Variants in GNG12 observed in about 807,000 individuals in gnomAD.
GNG12 encodes guanine nucleotide-binding protein G(I)/G(S)/G(O) subunit gamma-12.
For synonymous variants in GNG12, 28 were observed against 29.7 expected (o/e 0.94, Z 0.19); for missense variants, 69 against 83.8 (o/e 0.82, Z 0.69).
At chr1:67,800,565 T>C (rs1480739288) in intron 1 of GNG12, among the ~76,000 whole-genome samples, 1 of 152,220 alleles carries the variant, frequency 6.6e-6, no homozygotes, top group East Asian at 1.9e-4. Flanking sequence ...AGACATACTT[T>C]ATTACCAGCA....
intron 1 of GNG12, among the ~76,000 whole-genome samples, chr1:67,821,787 G>A (rs1189070329): frequency 6.7e-6 from 1 of 149,280 alleles, no homozygotes; most frequent in Non-Finnish European, 1.5e-5. Flanking sequence ...TTTTTTCTTA[G>A]TGGCACATAG....
At chr1:67,735,040 G>A (rs538123748) in intron 2 of GNG12, among the ~76,000 whole-genome samples, 3 of 152,034 alleles carry the variant, frequency 2.0e-5, no homozygotes, top group African/African-American at 7.2e-5. Context: ...TTTTTTAGTA[G>A]AGATGGGGTT....
At chr1:67,778,313 T>C (rs1646718103) in intron 1 of GNG12, among the ~76,000 whole-genome samples, 1 of 152,166 alleles carries the variant, frequency 6.6e-6, no homozygotes, top group South Asian at 2.1e-4. Flanking sequence ...ACGTCTCAAC[T>C]TGAGCTAGCC....
At chr1:67,787,820 A>G (rs1646779337) in intron 1 of GNG12, among the ~76,000 whole-genome samples, 1 of 152,212 alleles carries the variant, frequency 6.6e-6, no homozygotes, top group Non-Finnish European at 1.5e-5. Context: ...GTATTTATCA[A>G]TATTCCTTTC....
chr1:67,734,257 C>T (rs1646438761), intron 2 of GNG12, among the ~76,000 whole-genome samples: 1 of 151,686 alleles, frequency 6.6e-6, no homozygotes, highest in Admixed American at 6.6e-5. Context: ...GAGCACAGGG[C>T]AGCTAGAGAG....
intron 1 of GNG12, among the ~76,000 whole-genome samples, chr1:67,785,239 AAATTTACTAT>A (rs1646761368): frequency 6.6e-6 from 1 of 152,190 alleles, no homozygotes; most frequent in African/African-American, 2.4e-5. Context: ...TTATTTCAGC[AAATTTACTAT>A]AACAATGGCT....
rs897319092 is a variant in GNG12 at position 67,833,418 on chromosome 1, TCTC to T, written c.-154_-152del. On this transcript the variant is annotated 5_prime_UTR_variant, in exon 1 of 4. Transcript: ENST00000370982. The stretch of plus-strand genomic sequence containing the variant: ...AGGGCTCCTGGAGACGGCTCCGACC[TCTC>T]CTCCTCCTCCTCCTCTTGCTCCTCC... 87 of 974,244 alleles carry T rather than the reference TCTC, an allele frequency of 8.9e-5. No individual in the cohort carries two copies. Among genetic ancestry groups the T allele is most frequent in the East Asian group, 2.3e-4 (2 of 8,618 alleles). 60.3% of individuals were successfully genotyped at this position (974,244 alleles called of 1,614,324 possible). A position where few individuals can be genotyped will look rare whatever the true frequency, so the allele number is the denominator to read the frequency against.
At chr1:67,823,587 T>G (rs1361149902) in intron 1 of GNG12, among the ~76,000 whole-genome samples, 1 of 152,206 alleles carries the variant, frequency 6.6e-6, no homozygotes, top group Non-Finnish European at 1.5e-5. Context: ...AACCGCCATC[T>G]CACTCATAAT....
At chr1:67,788,408 G>A (rs752730340) in intron 1 of GNG12, among the ~76,000 whole-genome samples, 1 of 152,074 alleles carries the variant, frequency 6.6e-6, no homozygotes, top group Non-Finnish European at 1.5e-5. Context: ...TCAGGTCACA[G>A]TTCCCTGCAG....
intron 1 of GNG12, among the ~76,000 whole-genome samples, chr1:67,780,911 C>A (rs1358398859): frequency 6.6e-6 from 1 of 152,212 alleles, no homozygotes; most frequent in Non-Finnish European, 1.5e-5. Context: ...CCAGAAAAGA[C>A]ACATGCTGAA....
intron 2 of GNG12, among the ~76,000 whole-genome samples, chr1:67,746,968 T>C (rs925595120): frequency 3.3e-5 from 5 of 152,048 alleles, no homozygotes; most frequent in Admixed American, 1.3e-4. Context: ...GTGGAGGCCA[T>C]GCTATAATTC....
chr1:67,724,576 G>A (rs683843), intron 2 of GNG12, among the ~76,000 whole-genome samples: 31,173 of 152,040 alleles, frequency 0.21, 3,624 homozygotes, highest in African/African-American at 0.32. Flanking sequence ...TTTTAGTAGA[G>A]ATGGGGTTTC....
intron 1 of GNG12, among the ~76,000 whole-genome samples, chr1:67,780,459 G>A (rs1177746778): frequency 6.6e-6 from 1 of 152,062 alleles, no homozygotes; most frequent in Non-Finnish European, 1.5e-5. Flanking sequence ...TCCCCCAACA[G>A]GTTTGCAGAA....
At chr1:67,765,000 CAGATTATAT>C (rs1646627451) in intron 2 of GNG12, among the ~76,000 whole-genome samples, 1 of 152,048 alleles carries the variant, frequency 6.6e-6, no homozygotes, top group Non-Finnish European at 1.5e-5. Flanking sequence ...CAAAAAGCAA[CAGATTATAT>C]TGTCAAAAAA....
intron 1 of GNG12, among the ~76,000 whole-genome samples, chr1:67,813,661 T>C (rs1646938486): frequency 6.7e-6 from 1 of 149,068 alleles, no homozygotes; most frequent in Non-Finnish European, 1.5e-5. Context: ...TACCATACTG[T>C]AGAATATAAA....
chr1:67,714,412 G>A (rs1189748827), intron 2 of GNG12, among the ~76,000 whole-genome samples: 4 of 152,126 alleles, frequency 2.6e-5, no homozygotes, highest in Admixed American at 2.0e-4. Flanking sequence ...GACTGATAAC[G>A]TATTTAAGCC....
chr1:67,722,381 A>C (rs192844576), intron 2 of GNG12, among the ~76,000 whole-genome samples: 2 of 152,154 alleles, frequency 1.3e-5, no homozygotes, highest in African/African-American at 4.8e-5. Flanking sequence ...CTTCACCAAC[A>C]AACAATGAAT....
At chr1:67,797,486 A>G (rs1646838570) in intron 1 of GNG12, among the ~76,000 whole-genome samples, 1 of 152,188 alleles carries the variant, frequency 6.6e-6, no homozygotes, top group South Asian at 2.1e-4. Context: ...GCACAAAACC[A>G]TAAATTAAAT....
intron 2 of GNG12, among the ~76,000 whole-genome samples, chr1:67,726,957 G>A (rs901480055): frequency 6.6e-6 from 1 of 152,134 alleles, no homozygotes; most frequent in Non-Finnish European, 1.5e-5. Context: ...GTGTATTAAG[G>A]ACAAATACTG....
Sources: gnomAD v4.1 joint callset for allele counts (sites outside exome capture counted in the v4.1 genomes callset) on GRCh38, gnomAD v4.1.1 for gene constraint, MANE v1.5 for transcripts, NCBI Gene and HGNC (gene_info 2026-07-23, HGNC 2026-07-21) for gene names.